Variants in PNPLA7 observed in about 807,000 individuals in gnomAD.
The protein encoded by PNPLA7 is patatin-like phospholipase domain-containing protein 7.
In PNPLA7, 153 loss-of-function variants were observed where a neutral mutation model predicts 161.7. The ratio of observed to expected loss-of-function variants is 0.95; its 90% confidence interval spans 0.83 to 1.08. PNPLA7 has a LOEUF of 1.08. Among genes scored for constraint, PNPLA7 ranks in the 50% least tolerant of loss-of-function variants. The probability of loss-of-function intolerance (pLI) is 0.00; values close to 1 mark genes in which losing one functional copy is unlikely to be tolerated. For missense variants in PNPLA7, 1,739 were observed against 1,856.6 expected, an observed-to-expected ratio of 0.94 and a Z score of 1.16; for synonymous variants, 809 against 782.1, an observed-to-expected ratio of 1.03 and a Z score of -0.57.
chr9:137,464,222 C>T (rs756919511), intron 27 of PNPLA7, 27 bp from the exon 28 acceptor site: 2 of 1,612,784 alleles, frequency 1.2e-6, no homozygotes, highest in East Asian at 4.5e-5. Flanking sequence ...CTCAGATGGG[C>T]CCTCTCCCAT....
Position 137,544,083 on chromosome 9 carries a change from C to T in PNPLA7, c.274-268G>A, listed in dbSNP as rs188843531. On this transcript the variant is annotated intron_variant, in intron 4 of 34. Coordinates refer to ENST00000406427, the MANE Select transcript of PNPLA7 (RefSeq NM_001098537.3). Reference sequence around the variant, plus strand: ...CCCCAGGCTTCATGCCTGCTGGCCCCGCTGCCCCGAAGGCTGACACCCGCT... The same window carrying T: ...CCCCAGGCTTCATGCCTGCTGGCCCTGCTGCCCCGAAGGCTGACACCCGCT... Among the ~76,000 whole-genome samples the T allele has an allele frequency of 4.6e-5, 7 of 152,326 alleles. No individual in the cohort carries two copies. In the East Asian group the frequency reaches 5.8e-4, roughly 13 times the overall value.
At chr9:137,508,280 T>C (rs1221991960) in intron 12 of PNPLA7, among the ~76,000 whole-genome samples, 1 of 151,894 alleles carries the variant, frequency 6.6e-6, no homozygotes, top group East Asian at 1.9e-4. Flanking sequence ...TAGAAAAGGA[T>C]GTATCAGCCG....
At position 137,484,692 on chromosome 9, in the gene PNPLA7, C is replaced by G. The variant is rs777648092; in HGVS notation, c.2242G>C (p.Gly748Arg). ...GTGGACAGGTTGACAGCCGGGTTCCCCAAGTCCCACTTGCTGCCCTCCGTG... is the reference window on the plus strand; with the variant it reads ...GTGGACAGGTTGACAGCCGGGTTCCGCAAGTCCCACTTGCTGCCCTCCGTG... Reference protein sequence around the residue: ...LPTEGSKWDLGNPAVNLSTVA... With the variant: ...LPTEGSKWDLRNPAVNLSTVA... Residue 748 changes from glycine to arginine, a missense_variant, in exon 21 of 35, where the codon GGG (glycine) becomes CGG (arginine). Coordinates refer to ENST00000406427, the MANE Select transcript of PNPLA7 (RefSeq NM_001098537.3). 1 of 1,612,168 alleles carries G rather than the reference C, an allele frequency of 6.2e-7. No homozygotes were observed. The highest frequency in any genetic ancestry group is 8.5e-7 in the Non-Finnish European group (1 of 1,179,248).
At chr9:137,532,855 A>T (rs1365104590) in intron 8 of PNPLA7, among the ~76,000 whole-genome samples, 2 of 152,224 alleles carry the variant, frequency 1.3e-5, no homozygotes, top group Non-Finnish European at 2.9e-5. Flanking sequence ...GAGCCCAAGG[A>T]CATCAGGTGT....
intron 14 of PNPLA7, among the ~76,000 whole-genome samples, chr9:137,503,592 A>G (rs1409244882): frequency 8.4e-5 from 11 of 130,658 alleles, no homozygotes; most frequent in African/African-American, 3.2e-4. Context: ...AGGAGGAGGG[A>G]GAAGGAGAAG....
chr9:137,466,113 G>A (rs778642809), intron 26 of PNPLA7, among the ~76,000 whole-genome samples: 3 of 152,156 alleles, frequency 2.0e-5, no homozygotes, highest in Admixed American at 6.5e-5. Flanking sequence ...CATGCACCAG[G>A]GACAGCCCCA....
intron 8 of PNPLA7, among the ~76,000 whole-genome samples, chr9:137,528,426 G>A (rs1208812075): frequency 6.6e-6 from 1 of 152,034 alleles, no homozygotes; most frequent in East Asian, 1.9e-4. Context: ...TCTGCCTCCT[G>A]GGTTCAAGTG....
intron 12 of PNPLA7, among the ~76,000 whole-genome samples, chr9:137,512,134 T>C (rs766490307): frequency 4.6e-5 from 7 of 152,214 alleles, no homozygotes; most frequent in Non-Finnish European, 8.8e-5. Flanking sequence ...TCTTTGCACA[T>C]GAAGAGAAAA....
chr9:137,492,348 A>T, intron 20 of PNPLA7: 1 of 983,544 alleles, frequency 1.0e-6, no homozygotes, highest in Non-Finnish European at 1.2e-6. Flanking sequence ...TAGGAGGGAG[A>T]TATATCACAT....
In PNPLA7 at chr9:137,464,715, C is replaced by T. The variant is rs1479486143; in HGVS notation, c.3040-259G>A. ...ATCCCTAAGCCCTCGCTGGCCCTAC[C>T]CTCGCAGGCTCTGCAGCGCCCCCAT... On this transcript the variant is annotated intron_variant, in intron 26 of 34. Transcript: ENST00000406427. 5 of 502,468 alleles carry T rather than the reference C, an allele frequency of 1.0e-5. No individual in the cohort carries two copies. In the Admixed American group the frequency reaches 1.7e-4, roughly 17 times the overall value. 31.1% of individuals were successfully genotyped at this position (502,468 alleles called of 1,614,324 possible). A position where few individuals can be genotyped will look rare whatever the true frequency, so the allele number is the denominator to read the frequency against.
chr9:137,549,207 GCA>G lies in PNPLA7; in HGVS notation c.30+959_30+960del, dbSNP rs1836707152. Among the ~76,000 whole-genome samples the G allele has an allele frequency of 3.3e-5, 5 of 152,342 alleles. No homozygotes were observed. The South Asian group carries it at 8.3e-4, about 25-fold the overall frequency. ...ACTAAGAAAAAGATTCTAGGGCTGGGCACAGTGTCTCACGCCTGTAATCCCAG... is the reference window on the plus strand; with the variant it reads ...ACTAAGAAAAAGATTCTAGGGCTGGGCAGTGTCTCACGCCTGTAATCCCAG... On this transcript the variant is annotated intron_variant, in intron 1 of 34. Transcript: ENST00000406427.
intron 14 of PNPLA7, 118 bp downstream of exon 14, chr9:137,505,496 A>C: frequency 7.9e-7 from 1 of 1,261,720 alleles, no homozygotes; most frequent in South Asian, 1.5e-5. Flanking sequence ...CACTCCACCC[A>C]AAACACCTCC....
At chr9:137,539,266 C>T (rs1034021877) in intron 8 of PNPLA7, among the ~76,000 whole-genome samples, 1 of 152,170 alleles carries the variant, frequency 6.6e-6, no homozygotes, top group Non-Finnish European at 1.5e-5. Flanking sequence ...TTGCTTGAAC[C>T]TGGGAGGTGG....
At chr9:137,494,613 T>G (rs1323034798) in intron 19 of PNPLA7, among the ~76,000 whole-genome samples, 2 of 147,184 alleles carry the variant, frequency 1.4e-5, no homozygotes, top group East Asian at 4.3e-4. Context: ...TGCCCTCACC[T>G]GCTCCGTGAC....
rs1835220711 is a variant in PNPLA7 at position 137,524,836 on chromosome 9, G to A, written c.748-1979C>T. Among the ~76,000 whole-genome samples, 1 of 148,142 alleles carries A rather than the reference G, an allele frequency of 6.8e-6. No individual in the cohort carries two copies. Among genetic ancestry groups the A allele is most frequent in the Non-Finnish European group, 1.5e-5 (1 of 67,836 alleles). On this transcript the variant is annotated intron_variant, in intron 8 of 34. Transcript: ENST00000406427. This position sits in a 1 kb window ranked among gnomAD's most constrained non-coding sequence, Gnocchi z 4.4. Reference sequence around the variant, plus strand: ...GAATGAGTTTCCGTGGATGCCCCGTGGAATGAGTTTCCTTGGATGCCCCGT... The same window carrying A: ...GAATGAGTTTCCGTGGATGCCCCGTAGAATGAGTTTCCTTGGATGCCCCGT...
intron 25 of PNPLA7, among the ~76,000 whole-genome samples, chr9:137,469,786 C>T (rs73669108): frequency 0.012 from 1,822 of 152,116 alleles, 38 homozygotes; most frequent in African/African-American, 0.039. Context: ...ACGGACAGCC[C>T]GGGTGAAGCC....
At position 137,460,554 on chromosome 9, in the gene PNPLA7, C is replaced by T. The variant is rs143118487; in HGVS notation, c.3946-78G>A. 353 of 1,598,548 alleles carry T rather than the reference C, an allele frequency of 2.2e-4. 1 individual carries two copies. The African/African-American group carries it at 3.9e-3, about 18-fold the overall frequency. Reference sequence around the variant, plus strand: ...CAGCGCTGGTAACCCGGTGGGACCACAGGGAGGGAGTGGCCGGCACAGGGC... The same window carrying T: ...CAGCGCTGGTAACCCGGTGGGACCATAGGGAGGGAGTGGCCGGCACAGGGC... On this transcript the variant is annotated intron_variant, in intron 34 of 34. Coordinates refer to ENST00000406427, the MANE Select transcript of PNPLA7 (RefSeq NM_001098537.3).
rs1030786076 is a variant in PNPLA7, at chr9:137,537,706, C to T, written c.747+2936G>A. On this transcript the variant is annotated intron_variant, in intron 8 of 34. Coordinates refer to ENST00000406427, the MANE Select transcript of PNPLA7 (RefSeq NM_001098537.3). This position sits in a 1 kb window ranked among gnomAD's most constrained non-coding sequence, Gnocchi z 4.5. ...GGCTGTGACACCAACGCGGATGAGACGGATCGCAGCAGCTGAGAGGAACCC... is the reference window on the plus strand; with the variant it reads ...GGCTGTGACACCAACGCGGATGAGATGGATCGCAGCAGCTGAGAGGAACCC... Among the ~76,000 whole-genome samples, 3 of 152,122 alleles carry T rather than the reference C, an allele frequency of 2.0e-5. No individual in the cohort carries two copies. The highest frequency in any genetic ancestry group is 2.4e-5 in the African/African-American group (1 of 41,394).
At chr9:137,485,378 C>G (rs575253751) in intron 20 of PNPLA7, among the ~76,000 whole-genome samples, 1 of 141,124 alleles carries the variant, frequency 7.1e-6, no homozygotes, top group African/African-American at 3.2e-5. Flanking sequence ...CAGGTGAGGC[C>G]TCATCGGAGT....
Sources: gnomAD v4.1 joint callset for allele counts (sites outside exome capture counted in the v4.1 genomes callset) on GRCh38, gnomAD v4.1.1 for gene constraint, Gnocchi (gnomAD v3.1) non-coding constraint, MANE v1.5 for transcripts, NCBI Gene and HGNC (gene_info 2026-07-23, HGNC 2026-07-21) for gene names.